GLI2: variants seen among roughly 807,000 people sequenced by gnomAD.
GLI2 encodes the protein transcription activator GLI2.
A neutral mutation model predicts 78.9 loss-of-function variants in GLI2; 22 were observed. That is an observed-to-expected ratio of 0.28 (90% CI 0.20 to 0.40). The LOEUF is 0.40. GLI2 is among the 10% of genes least tolerant of loss of function. GLI2 has a pLI of 1.00. For missense variants in GLI2, 2,097 were observed against 2,213.2 expected (o/e 0.95, Z 1.05); for synonymous variants, 974 against 963.7 (o/e 1.01, Z -0.20).
chr2:120,872,305 C>T (rs1358779478), intron 2 of GLI2, among the ~76,000 whole-genome samples: 1 of 152,154 alleles, frequency 6.6e-6, no homozygotes, highest in East Asian at 1.9e-4. Context: ...TAGGGTGTGC[C>T]CCGTGACAGA....
chr2:120,826,336 C>T (rs948739800), intron 2 of GLI2, among the ~76,000 whole-genome samples: 1 of 152,218 alleles, frequency 6.6e-6, no homozygotes, highest in East Asian at 1.9e-4. Flanking sequence ...ACTCGTGCCT[C>T]CTGTACTGCA....
At position 120,969,009 on chromosome 2, in the gene GLI2, G is replaced by A. The variant is rs553916845; in HGVS notation, c.845+94G>A. The A allele has an allele frequency of 2.1e-3, 1,851 of 886,850 alleles. 2 individuals are homozygous for A. Among genetic ancestry groups the A allele is most frequent in the Non-Finnish European group, 2.4e-3 (1,312 of 550,554 alleles). 54.9% of individuals were successfully genotyped at this position (886,850 alleles called of 1,614,324 possible). On this transcript the variant is annotated intron_variant, in intron 6 of 13. Coordinates refer to ENST00000361492, the MANE Select transcript of GLI2 (RefSeq NM_001374353.1). ...GCTTTTCAGTGGGCGCTTTTGACCC[G>A]AGGAGAAAGACAGGACCTGTGGCAT...
chr2:120,891,987 C>G (rs190783754), intron 2 of GLI2, among the ~76,000 whole-genome samples: 1 of 152,256 alleles, frequency 6.6e-6, no homozygotes, highest in East Asian at 1.9e-4. Context: ...CCATCCCACC[C>G]CACCCTGCAC....
At chr2:120,777,676 G>T (rs12996127) in intron 1 of GLI2, among the ~76,000 whole-genome samples, 31,089 of 141,724 alleles carry the variant, frequency 0.22, 3,705 homozygotes, top group African/African-American at 0.44. Flanking sequence ...TGCATCTGGG[G>T]TGTAGACTTG....
Position 120,748,623 on chromosome 2 carries a change from T to C in GLI2, c.-31+12338T>C, listed in dbSNP as rs1468926428. On this transcript the variant is annotated intron_variant, in intron 1 of 13. Coordinates refer to ENST00000361492, the MANE Select transcript of GLI2 (RefSeq NM_001374353.1). ...TGGTTTAGCTTCAGGTCATGGGACA[T>C]AAATGTGCAGAGGCCCAGGTTCTTT... Among the ~76,000 whole-genome samples the C allele has an allele frequency of 2.6e-5, 4 of 152,294 alleles. No individual in the cohort carries two copies. The East Asian group carries it at 7.7e-4, about 29-fold the overall frequency.
intron 2 of GLI2, among the ~76,000 whole-genome samples, chr2:120,808,815 G>A (rs1024782169): frequency 4.6e-5 from 7 of 152,170 alleles, no homozygotes; most frequent in Non-Finnish European, 7.4e-5. Context: ...CATGTGGGCA[G>A]CGGGCTGCTG....
intron 2 of GLI2, among the ~76,000 whole-genome samples, chr2:120,907,745 G>T (rs1432308015): frequency 2.0e-5 from 3 of 152,248 alleles, no homozygotes; most frequent in Admixed American, 2.0e-4. Flanking sequence ...TGTAAATGGG[G>T]GTGGTGATCA....
chr2:120,938,738 A>G (rs1680309775), intron 3 of GLI2, among the ~76,000 whole-genome samples: 3 of 152,312 alleles, frequency 2.0e-5, no homozygotes, highest in South Asian at 4.1e-4. Flanking sequence ...GAGCCTGGAC[A>G]ACAGATAGAT....
At chr2:120,983,596 C>T (rs116581372) in intron 11 of GLI2, among the ~76,000 whole-genome samples, 2,052 of 152,292 alleles carry the variant, frequency 0.013, 53 homozygotes, top group African/African-American at 0.045. Context: ...GGCTGTCAGC[C>T]CCAGCAGATG....
At chr2:120,870,165 A>T (rs1252851164) in intron 2 of GLI2, among the ~76,000 whole-genome samples, 1 of 152,044 alleles carries the variant, frequency 6.6e-6, no homozygotes. Context: ...GGCCTGCCAC[A>T]CCCAGCCCAG....
At chr2:120,954,151 G>C (rs554472584) in intron 4 of GLI2, among the ~76,000 whole-genome samples, 1 of 152,296 alleles carries the variant, frequency 6.6e-6, no homozygotes, top group Admixed American at 6.5e-5. Context: ...GTCTGAATTC[G>C]AGTCCTGTGT....
Position 120,876,160 on chromosome 2 carries a change from T to G in GLI2, c.149-51201T>G, listed in dbSNP as rs900885349. ...ATGGAGACCATCCTGGCTAACGCGGTGAAACCCCGTCTCTACTAAAAATAC... is the reference window on the plus strand; with the variant it reads ...ATGGAGACCATCCTGGCTAACGCGGGGAAACCCCGTCTCTACTAAAAATAC... On this transcript the variant is annotated intron_variant, in intron 2 of 13. Coordinates refer to ENST00000361492, the MANE Select transcript of GLI2 (RefSeq NM_001374353.1). Among the ~76,000 whole-genome samples the G allele has an allele frequency of 2.6e-5, 4 of 152,122 alleles. No homozygotes were observed. In the South Asian group the frequency reaches 8.3e-4, roughly 32 times the overall value.
chr2:120,905,462 A>T (rs1678477559), intron 2 of GLI2, among the ~76,000 whole-genome samples: 1 of 152,100 alleles, frequency 6.6e-6, no homozygotes, highest in African/African-American at 2.4e-5. Flanking sequence ...TGCAAGGAGG[A>T]AATGGAGACT....
chr2:120,797,356 G>A lies in GLI2; in HGVS notation c.36G>A (p.Lys12=). The change falls in exon 2 of 14, where the codon AAG becomes AAA. Residue 12 remains lysine (K), a synonymous_variant. Transcript: ENST00000361492. ...ETSASATASE[K]QEAKSGILEA... ...CTGCCTCAGCCACTGCCTCCGAGAAGCAAGAAGCCAAAAGTGGGATCCTGG... is the reference window on the plus strand; with the variant it reads ...CTGCCTCAGCCACTGCCTCCGAGAAACAAGAAGCCAAAAGTGGGATCCTGG... 6.2e-7 allele frequency: 1 copy of A among 1,614,110 alleles called. No individual in the cohort carries two copies. Among genetic ancestry groups the A allele is most frequent in the Non-Finnish European group, 8.5e-7 (1 of 1,180,006 alleles).
chr2:120,985,135 T>C (rs941235686), intron 12 of GLI2, among the ~76,000 whole-genome samples: 3 of 152,174 alleles, frequency 2.0e-5, no homozygotes, highest in Non-Finnish European at 4.4e-5. Context: ...CTCCTTTTGT[T>C]CTAACCACCT....
rs114043521 is a variant in GLI2, at chr2:120,902,499, C to G, written c.149-24862C>G. Reference sequence around the variant, plus strand: ...GAGAATTAGAGCTCCAGCCAGATTCCCCAGAGTGTGCAAAATAAGGAGGGA... The same window carrying G: ...GAGAATTAGAGCTCCAGCCAGATTCGCCAGAGTGTGCAAAATAAGGAGGGA... On this transcript the variant is annotated intron_variant, in intron 2 of 13. Coordinates refer to ENST00000361492, the MANE Select transcript of GLI2 (RefSeq NM_001374353.1). 6.3e-3 allele frequency among the ~76,000 whole-genome samples: 958 copies of G among 152,168 alleles called. 5 individuals are homozygous for G. The highest frequency in any genetic ancestry group is 0.012 in the Admixed American group (181 of 15,286).
intron 2 of GLI2, among the ~76,000 whole-genome samples, chr2:120,898,730 C>T (rs1678101847): frequency 6.6e-6 from 1 of 152,158 alleles, no homozygotes. Context: ...TGTATCATAA[C>T]AAAGTGTCCT....
chr2:120,823,288 C>T (rs867603900), intron 2 of GLI2, among the ~76,000 whole-genome samples: 5 of 152,168 alleles, frequency 3.3e-5, no homozygotes, highest in Admixed American at 2.6e-4. Context: ...TTATAATTTA[C>T]AGCAATCCCA....
At chr2:120,963,252 G>T (rs1222341051) in intron 5 of GLI2, among the ~76,000 whole-genome samples, 6 of 152,200 alleles carry the variant, frequency 3.9e-5, no homozygotes, top group Non-Finnish European at 5.9e-5. Flanking sequence ...TGCCCGCTGG[G>T]TTTTAGGCAC....
Sources: allele counts gnomAD v4.1 joint callset (sites outside exome capture counted in the v4.1 genomes callset), GRCh38; gene constraint gnomAD v4.1.1; transcripts MANE v1.5; gene names NCBI Gene and HGNC (gene_info 2026-07-23, HGNC 2026-07-21).